Variants in RAE1 observed in about 807,000 individuals in gnomAD.
RAE1 encodes the protein mRNA export factor RAE1.
Under a neutral mutation model 52.7 loss-of-function variants are expected in RAE1, and 13 were observed. That is an observed-to-expected ratio of 0.25 (90% CI 0.16 to 0.39). The LOEUF is 0.39. RAE1 is among the 10% of genes least tolerant of loss of function. The pLI, the probability that RAE1 is intolerant of heterozygous loss-of-function variation, is 1.00. For missense variants in RAE1, 262 were observed against 459.8 expected, an observed-to-expected ratio of 0.57 and a Z score of 3.93; for synonymous variants, 164 against 153.1, an observed-to-expected ratio of 1.07 and a Z score of -0.52.
At chr20:57,361,523 G>T (rs531391832) in intron 4 of RAE1, among the ~76,000 whole-genome samples, 1 of 152,068 alleles carries the variant, frequency 6.6e-6, no homozygotes, top group African/African-American at 2.4e-5. Context: ...GGATTTATTC[G>T]GAAATAGTTC....
chr20:57,365,507 G>T, intron 5 of RAE1, 65 bp downstream of exon 5: 1 of 1,116,164 alleles, frequency 9.0e-7, no homozygotes, highest in Non-Finnish European at 1.3e-6. Context: ...GGCTCTTTAA[G>T]TGAAATAATT....
At chr20:57,358,762 C>T (rs183391348) in intron 4 of RAE1, 10 of 388,978 alleles carry the variant, frequency 2.6e-5, no homozygotes, top group African/African-American at 1.2e-4. Context: ...TAACTTACTC[C>T]GTTTATCAAA....
At chr20:57,373,391 TG>T in intron 8 of RAE1, 83 bp from the exon 9 acceptor site, 1 of 1,334,694 alleles carries the variant, frequency 7.5e-7, no homozygotes, top group South Asian at 1.3e-5. Context: ...AACCTAAACA[TG>T]GGGTAAAAAT....
intron 3 of RAE1, among the ~76,000 whole-genome samples, chr20:57,355,898 G>A (rs77043578): frequency 0.04 from 6,051 of 152,278 alleles, 178 homozygotes; most frequent in African/African-American, 0.089. Flanking sequence ...GGCTAGTGAT[G>A]CAGGTGAGGA....
At chr20:57,367,765 A>AAAAG (rs2066978640) in intron 7 of RAE1, among the ~76,000 whole-genome samples, 1 of 152,008 alleles carries the variant, frequency 6.6e-6, no homozygotes. Context: ...AAAGGAAAGA[A>AAAAG]AAAGAAATGG....
Position 57,367,043 on chromosome 20 carries a change from T to C in RAE1, c.498T>C (p.Val166=), listed in dbSNP as rs1485546375. The change falls in exon 7 of 12, where the codon GTT becomes GTC. Residue 166 remains valine, a synonymous_variant. Coordinates refer to ENST00000395841, the MANE Select transcript of RAE1 (RefSeq NM_003610.4). The stretch of plus-strand genomic sequence containing the variant: ...CTCGATCGTCAAATCCTATGATGGT[T>C]TTGCAACTCCCTGAAAGGTGTTACT... ...WDTRSSNPMM[V]LQLPERCYCA... is the part of the protein sequence containing the mutation. The C allele has an allele frequency of 1.2e-6, 2 of 1,609,828 alleles. No individual in the cohort carries two copies. Among genetic ancestry groups the C allele is most frequent in the South Asian group, 2.2e-5 (2 of 90,986 alleles).
chr20:57,359,148 T>A, intron 4 of RAE1: 1 of 664,140 alleles, frequency 1.5e-6, no homozygotes. Flanking sequence ...CTAATACTGG[T>A]AATGCTAGAG....
intron 4 of RAE1, among the ~76,000 whole-genome samples, chr20:57,363,207 T>C (rs1475420899): frequency 6.6e-6 from 1 of 152,238 alleles, no homozygotes; most frequent in African/African-American, 2.4e-5. Flanking sequence ...GCCAAGTTGT[T>C]TAATCTTTCT....
chr20:57,369,920 G>A (rs985096101), intron 8 of RAE1, among the ~76,000 whole-genome samples: 1 of 152,132 alleles, frequency 6.6e-6, no homozygotes, highest in Admixed American at 6.5e-5. Context: ...GGTGGAAGCC[G>A]TCCTGCTAAG....
intron 11 of RAE1, among the ~76,000 whole-genome samples, chr20:57,376,130 TAGACAC>T (rs1307425380): frequency 1.3e-5 from 2 of 152,236 alleles, no homozygotes; most frequent in Admixed American, 6.5e-5. Context: ...GCCCCGAACT[TAGACAC>T]AGAAGTCCAG....
intron 11 of RAE1, among the ~76,000 whole-genome samples, chr20:57,376,519 C>CA (rs2067118056): frequency 1.3e-5 from 2 of 152,234 alleles, no homozygotes; most frequent in East Asian, 3.8e-4. Flanking sequence ...TTTCCCTCAG[C>CA]ATAAGGATTT....
rs573465492 is a variant in RAE1 at position 57,360,846 on chromosome 20, A to G, written c.288+4308A>G. 1.6e-4 allele frequency among the ~76,000 whole-genome samples: 24 copies of G among 152,276 alleles called. 1 individual carries two copies. In the East Asian group the frequency reaches 4.4e-3, roughly 28 times the overall value. On this transcript the variant is annotated intron_variant, in intron 4 of 11. Coordinates refer to ENST00000395841, the MANE Select transcript of RAE1 (RefSeq NM_003610.4). Reference sequence around the variant, plus strand: ...TTTCCTGTGGGGGTGTGGTTGAGCAAAGTGTTTTGAGCTGCATTTGTGCAT... The same window carrying G: ...TTTCCTGTGGGGGTGTGGTTGAGCAGAGTGTTTTGAGCTGCATTTGTGCAT...
chr20:57,351,840 TA>T, intron 1 of RAE1: 2 of 985,472 alleles, frequency 2.0e-6, no homozygotes. Flanking sequence ...TCTCTGAAAC[TA>T]AGTCTGTTTC....
intron 1 of RAE1, among the ~76,000 whole-genome samples, chr20:57,352,636 C>T (rs1250191049): frequency 2.0e-5 from 3 of 152,170 alleles, no homozygotes; most frequent in African/African-American, 7.2e-5. Flanking sequence ...TGTTCTCTCC[C>T]AACTTGAAGG....
rs1334898997 is a variant in RAE1, at chr20:57,378,657, C to T, written c.*558C>T. On this transcript the variant is annotated 3_prime_UTR_variant, in exon 12 of 12. Transcript: ENST00000395841. ...GGCAGCCTCTGTGAGCCCTGGTGGGCAGAGTTTGAATGTGTTTTTCCTTGC... is the reference window on the plus strand; with the variant it reads ...GGCAGCCTCTGTGAGCCCTGGTGGGTAGAGTTTGAATGTGTTTTTCCTTGC... The T allele has an allele frequency of 6.6e-6, 1 of 152,360 alleles. No individual in the cohort carries two copies. Among genetic ancestry groups the T allele is most frequent in the African/African-American group, 2.4e-5 (1 of 41,460 alleles). The allele number at this position is 152,360 out of a possible 1,614,324, so 9.4% of individuals were successfully genotyped here.
intron 4 of RAE1, among the ~76,000 whole-genome samples, chr20:57,356,971 C>G (rs1018213231): frequency 6.6e-5 from 10 of 152,226 alleles, no homozygotes; most frequent in African/African-American, 2.4e-4. Context: ...CCCAGCCTCT[C>G]TCCTCCCTTC....
intron 4 of RAE1, chr20:57,358,836 A>G (rs374173049): frequency 1.9e-6 from 1 of 519,242 alleles, no homozygotes; most frequent in Non-Finnish European, 3.2e-6. Context: ...AGGAGGTTGA[A>G]TTATGCTCCG....
At chr20:57,375,431 C>G (rs1016704213) in intron 11 of RAE1, among the ~76,000 whole-genome samples, 3 of 152,084 alleles carry the variant, frequency 2.0e-5, no homozygotes, top group African/African-American at 7.2e-5. Flanking sequence ...CCCTGGCTTC[C>G]GATGGGGAGG....
intron 10 of RAE1, among the ~76,000 whole-genome samples, chr20:57,374,071 G>A (rs1329844666): frequency 1.3e-5 from 2 of 152,108 alleles, no homozygotes; most frequent in African/African-American, 4.8e-5. Context: ...TAGTAGAGAC[G>A]GCGTTTCACC....
Sources: gnomAD v4.1 joint callset for allele counts (sites outside exome capture counted in the v4.1 genomes callset) on GRCh38, gnomAD v4.1.1 for gene constraint, MANE v1.5 for transcripts, NCBI Gene and HGNC (gene_info 2026-07-23, HGNC 2026-07-21) for gene names.